Variants in CPSF6 observed in about 807,000 individuals in gnomAD.
CPSF6 encodes the protein cleavage and polyadenylation specificity factor subunit 6.
CPSF6 carries 10 observed loss-of-function variants against 56.7 expected under a neutral mutation model. That is an observed-to-expected ratio of 0.18 (90% CI 0.11 to 0.30). The LOEUF (loss-of-function observed/expected upper bound fraction) is 0.30. Ranked by LOEUF, CPSF6 falls within the 10% of genes least tolerant of loss-of-function variation. CPSF6 has a pLI of 1.00. For synonymous variants in CPSF6, 248 were observed against 244.8 expected, an observed-to-expected ratio of 1.01 and a Z score of -0.12; for missense variants, 419 against 722.9, an observed-to-expected ratio of 0.58 and a Z score of 4.82.
intron 1 of CPSF6, among the ~76,000 whole-genome samples, chr12:69,250,020 C>T (rs913871425): frequency 2.0e-5 from 3 of 152,172 alleles, no homozygotes; most frequent in Non-Finnish European, 4.4e-5. Context: ...GCTCTTTGTT[C>T]ACTGAGAATA....
chr12:69,259,976 C>G, intron 7 of CPSF6, 68 bp from the exon 8 acceptor site: 1 of 1,544,684 alleles, frequency 6.5e-7, no homozygotes, highest in Middle Eastern at 1.7e-4. Context: ...CACTCTTATC[C>G]CAAGTGGTTT....
chr12:69,258,488 G>C lies in CPSF6; in HGVS notation c.695-102G>C. The C allele has an allele frequency of 8.5e-7, 1 of 1,173,018 alleles. No homozygotes were observed. Among genetic ancestry groups the C allele is most frequent in the Non-Finnish European group, 1.2e-6 (1 of 850,742 alleles). The allele number at this position is 1,173,018 out of a possible 1,614,324, so 72.7% of individuals were successfully genotyped here. On this transcript the variant is annotated intron_variant, in intron 5 of 9. Coordinates refer to ENST00000435070, the MANE Select transcript of CPSF6 (RefSeq NM_007007.3). This position sits in a 1 kb window ranked among gnomAD's most constrained non-coding sequence, Gnocchi z 4.2. ...GGGTTTAATTTAAAGACAAAGACTT[G>C]GTGTATGCTCTATGCGTTTAAAGTA... is the stretch of plus-strand genomic sequence containing the variant.
At chr12:69,241,381 A>G (rs932729073) in intron 1 of CPSF6, among the ~76,000 whole-genome samples, 4 of 152,240 alleles carry the variant, frequency 2.6e-5, no homozygotes, top group Non-Finnish European at 5.9e-5. Context: ...TCAAATGAAT[A>G]TAACTGCGTT....
intron 5 of CPSF6, 91 bp downstream of exon 5, chr12:69,257,996 G>A: frequency 1.3e-6 from 2 of 1,537,054 alleles, no homozygotes; most frequent in Non-Finnish European, 1.8e-6. Flanking sequence ...CATTATTAAT[G>A]TGACTTACTC....
At chr12:69,243,223 A>G (rs913910290) in intron 1 of CPSF6, among the ~76,000 whole-genome samples, 5 of 152,214 alleles carry the variant, frequency 3.3e-5, no homozygotes, top group African/African-American at 9.7e-5. Flanking sequence ...ATACCTACAT[A>G]CAGTAGTGCA....
At position 69,240,229 on chromosome 12, in the gene CPSF6, G is replaced by C. The variant is rs147386043; in HGVS notation, c.60+523G>C. Among the ~76,000 whole-genome samples the C allele has an allele frequency of 5.7e-3, 872 of 152,280 alleles. 3 individuals are homozygous for C. The highest frequency in any genetic ancestry group is 0.02 in the African/African-American group (832 of 41,550). On this transcript the variant is annotated intron_variant, in intron 1 of 9. Transcript: ENST00000435070. ...CCTGCCCGCGCACTGTCGCCTCATG[G>C]AAGGCCGCGTTCACGGCCCTTTGTA... is the stretch of plus-strand genomic sequence containing the variant.
chr12:69,252,880 G>A (rs1872318667), intron 2 of CPSF6, among the ~76,000 whole-genome samples, 171 bp from the exon 3 acceptor site: 1 of 152,114 alleles, frequency 6.6e-6, no homozygotes, highest in Admixed American at 6.5e-5. Flanking sequence ...GTTCCCAGAT[G>A]GTTTTTGTGC....
chr12:69,272,977 G>A lies in CPSF6; in HGVS notation c.*3469G>A, dbSNP rs1372115866. The A allele has an allele frequency of 4.0e-6, 1 of 249,354 alleles. No individual in the cohort carries two copies. Among genetic ancestry groups the A allele is most frequent in the African/African-American group, 2.3e-5 (1 of 43,672 alleles). 15.4% of individuals were successfully genotyped at this position (249,354 alleles called of 1,614,324 possible). ...AGCAACTTGACTCTTAGAAGCCTTA[G>A]ACTGATTTTTTCAATAAATATTCAA... is the stretch of plus-strand genomic sequence containing the variant. On this transcript the variant is annotated 3_prime_UTR_variant, in exon 10 of 10. Transcript: ENST00000435070.
chr12:69,269,643 C>A lies in CPSF6; in HGVS notation c.*135C>A. On this transcript the variant is annotated 3_prime_UTR_variant, in exon 10 of 10. Coordinates refer to ENST00000435070, the MANE Select transcript of CPSF6 (RefSeq NM_007007.3). ...ATGGATAAAATGAACAGGAATAGAT[C>A]TGAATAAAGCAAATCTGCATAAATG... 3.0e-6 allele frequency: 1 copy of A among 335,372 alleles called. No individual in the cohort carries two copies. 20.8% of individuals were successfully genotyped at this position (335,372 alleles called of 1,614,324 possible).
In CPSF6 at chr12:69,273,148, C is replaced by A; in HGVS notation, c.*3640C>A. On this transcript the variant is annotated 3_prime_UTR_variant, in exon 10 of 10. Transcript: ENST00000435070. ...TAGAAAATGTATTAAAATGTCTAGG[C>A]TTCTGGGAGGAAGTTCTTATACTCT... 1 of 498,660 alleles carries A rather than the reference C, an allele frequency of 2.0e-6. No homozygotes were observed. Among genetic ancestry groups the A allele is most frequent in the South Asian group, 1.6e-5 (1 of 64,446 alleles). The allele number at this position is 498,660 out of a possible 1,614,324, so 30.9% of individuals were successfully genotyped here.
At chr12:69,253,409 A>G (rs1428078089) in intron 3 of CPSF6, among the ~76,000 whole-genome samples, 3 of 152,136 alleles carry the variant, frequency 2.0e-5, no homozygotes, top group Non-Finnish European at 2.9e-5. Flanking sequence ...AGTTTTCTCT[A>G]TCTGTGGTTG....
intron 2 of CPSF6, 89 bp from the exon 3 acceptor site, chr12:69,252,962 T>A: frequency 2.8e-6 from 2 of 722,630 alleles, no homozygotes; most frequent in Non-Finnish European, 4.5e-6. Context: ...TTCTCTTTTA[T>A]GTCTCAAATT....
intron 8 of CPSF6, among the ~76,000 whole-genome samples, chr12:69,261,687 A>G (rs1334932179): frequency 6.6e-6 from 1 of 152,208 alleles, no homozygotes; most frequent in African/African-American, 2.4e-5. Flanking sequence ...GTAGACAGTT[A>G]TTATTTCCTT....
Position 69,259,061 on chromosome 12 carries a change from C to T in CPSF6, c.1166C>T (p.Pro389Leu), listed in dbSNP as rs757423482. The T allele has an allele frequency of 4.4e-6, 7 of 1,603,360 alleles. No individual in the cohort carries two copies. In the South Asian group the frequency reaches 5.5e-5, roughly 13 times the overall value. ...ACAGATCCATATGGGCGACCTCCAC[C>T]ATATGATAGGGGTGACTATGGCCCC... ...PPTDPYGRPP[P>L]YDRGDYGPPG... is the part of the protein sequence containing the mutation. Residue 389 changes from proline to leucine, a missense_variant, in exon 6 of 10, where the codon CCA becomes CTA. Transcript: ENST00000435070.
rs370759198 is a variant in CPSF6 at position 69,251,120 on chromosome 12, G to T, written c.61-9G>T. ...TTGTATAATCTAGAGCATTATTTCT[G>T]TATCTCAGGAAGCTGAATATGGTGG... is the stretch of plus-strand genomic sequence containing the variant. On this transcript the variant is annotated splice_polypyrimidine_tract_variant and intron_variant, in intron 1 of 9. Transcript: ENST00000435070. The T allele has an allele frequency of 6.2e-7, 1 of 1,604,048 alleles. No homozygotes were observed. The highest frequency in any genetic ancestry group is 2.2e-5 in the East Asian group (1 of 44,778).
chr12:69,266,695 C>T (rs1466084846), intron 9 of CPSF6, among the ~76,000 whole-genome samples: 3 of 152,130 alleles, frequency 2.0e-5, no homozygotes, highest in Non-Finnish European at 4.4e-5. Context: ...TGTTTTGACT[C>T]TCCATGAATT....
At chr12:69,256,580 C>A in intron 3 of CPSF6, 117 bp from the exon 4 acceptor site, 1 of 997,048 alleles carries the variant, frequency 1.0e-6, no homozygotes, top group Non-Finnish European at 1.5e-6. Flanking sequence ...AGGCATGAGC[C>A]ACTGTGCCCA....
intron 8 of CPSF6, among the ~76,000 whole-genome samples, chr12:69,261,604 C>T (rs187779771): frequency 4.7e-5 from 7 of 150,220 alleles, no homozygotes; most frequent in African/African-American, 1.8e-4. Flanking sequence ...AGGCCTTGAT[C>T]AAGGATTTTA....
chr12:69,266,488 A>T (rs924954581), intron 9 of CPSF6, among the ~76,000 whole-genome samples: 1 of 152,236 alleles, frequency 6.6e-6, no homozygotes, highest in East Asian at 1.9e-4. Flanking sequence ...ATTCAATGCC[A>T]GTGTGAGTCA....
Sources: gnomAD v4.1 joint callset for allele counts (sites outside exome capture counted in the v4.1 genomes callset) on GRCh38, gnomAD v4.1.1 for gene constraint, Gnocchi (gnomAD v3.1) non-coding constraint, MANE v1.5 for transcripts, NCBI Gene and HGNC (gene_info 2026-07-23, HGNC 2026-07-21) for gene names.